Variants in DACH1 observed in about 807,000 individuals in gnomAD.
DACH1 encodes the protein dachshund family transcription factor 1, also known as dachshund homolog 1.
Under a neutral mutation model 54.2 loss-of-function variants are expected in DACH1, and 12 were observed. The ratio of observed to expected loss-of-function variants is 0.22; its 90% CI spans 0.14 to 0.36. The LOEUF (loss-of-function observed/expected upper bound fraction) is 0.36. DACH1 is among the 10% of genes least tolerant of loss of function. DACH1 has a pLI of 1.00. For synonymous variants in DACH1, 386 were observed against 366.2 expected (o/e 1.05, Z -0.62); for missense variants, 805 against 929.8 (o/e 0.87, Z 1.75).
At chr13:71,536,717 T>C (rs373557830) in intron 6 of DACH1, among the ~76,000 whole-genome samples, 60 of 152,190 alleles carry the variant, frequency 3.9e-4, no homozygotes, top group African/African-American at 1.3e-3. Flanking sequence ...TGAAGGTGGT[T>C]GACAAGGATA....
chr13:71,559,023 T>C (rs1385942718), intron 5 of DACH1, among the ~76,000 whole-genome samples: 1 of 152,088 alleles, frequency 6.6e-6, no homozygotes, highest in Non-Finnish European at 1.5e-5. Flanking sequence ...ATTCTGGGAA[T>C]AAGCAATATA....
chr13:71,648,643 G>A (rs1252147327), intron 2 of DACH1, among the ~76,000 whole-genome samples: 2 of 152,140 alleles, frequency 1.3e-5, no homozygotes, highest in Admixed American at 6.6e-5. Context: ...CCTCTCAGTC[G>A]TTAGATAGAT....
chr13:71,832,591 A>T (rs1156920888), intron 1 of DACH1, among the ~76,000 whole-genome samples: 2 of 151,984 alleles, frequency 1.3e-5, no homozygotes, highest in Admixed American at 6.6e-5. Flanking sequence ...AGAAAATTAT[A>T]CTTAAAAATC....
intron 3 of DACH1, among the ~76,000 whole-genome samples, chr13:71,618,679 G>A (rs1470316692): frequency 6.6e-6 from 1 of 151,688 alleles, no homozygotes; most frequent in Non-Finnish European, 1.5e-5. Context: ...GGGAAGGCAC[G>A]AGGTAAAAAT....
At chr13:71,766,544 T>C (rs1594195747) in intron 1 of DACH1, among the ~76,000 whole-genome samples, 1 of 152,336 alleles carries the variant, frequency 6.6e-6, no homozygotes, top group Admixed American at 6.5e-5. Flanking sequence ...TATAATTGTC[T>C]GTAGGGAATG....
chr13:71,498,222 A>T (rs1163978497), intron 6 of DACH1, among the ~76,000 whole-genome samples: 1 of 152,184 alleles, frequency 6.6e-6, no homozygotes, highest in Non-Finnish European at 1.5e-5. Context: ...CTCTTTTGAG[A>T]TGCTTATGAA....
chr13:71,535,419 G>A (rs923490352), intron 6 of DACH1, among the ~76,000 whole-genome samples: 2 of 151,640 alleles, frequency 1.3e-5, no homozygotes, highest in African/African-American at 4.8e-5. Context: ...TGTTAACCAA[G>A]AACTCAAAAA....
At chr13:71,863,191 C>T (rs1874469845) in intron 1 of DACH1, among the ~76,000 whole-genome samples, 1 of 151,954 alleles carries the variant, frequency 6.6e-6, no homozygotes, top group Non-Finnish European at 1.5e-5. Context: ...GACAATAATG[C>T]TTATAATAAT....
chr13:71,509,830 T>C (rs777128182), intron 6 of DACH1, among the ~76,000 whole-genome samples: 14 of 152,118 alleles, frequency 9.2e-5, no homozygotes, highest in Non-Finnish European at 2.1e-4. Flanking sequence ...CTGGATACCA[T>C]CGTTCCTTCT....
chr13:71,794,066 TA>T (rs58581587), intron 1 of DACH1, among the ~76,000 whole-genome samples: 32 of 150,786 alleles, frequency 2.1e-4, no homozygotes, highest in Non-Finnish European at 3.4e-4. Flanking sequence ...ATTTTTTCCT[TA>T]AAAAAAAAGG....
In DACH1 at chr13:71,866,308, A is replaced by G. The variant is rs764868401; in HGVS notation, c.462T>C (p.Ser154=). The G allele has an allele frequency of 9.3e-5, 144 of 1,553,890 alleles. No homozygotes were observed. In the East Asian group the frequency reaches 9.7e-4, roughly 10 times the overall value. The part of the protein sequence containing the change: ...SSSSSSSSSS[S]SSSSSSSSSC... ...TGCTGCTGCTACTGCTGCTGCTGCT[A>G]CTACTGCTGCTGCTGCTGCTGCTGC... The change falls in exon 1 of 11, where the codon AGT becomes AGC. Residue 154 remains serine, a synonymous_variant. Transcript: ENST00000613252.
Position 71,528,708 on chromosome 13 carries a change from C to T in DACH1, c.1570+28316G>A, listed in dbSNP as rs535856378. Among the ~76,000 whole-genome samples, 5 of 152,058 alleles carry T rather than the reference C, an allele frequency of 3.3e-5. No homozygotes were observed. In the South Asian group the frequency reaches 1.0e-3, roughly 32 times the overall value. Reference sequence around the variant, plus strand: ...AAAAACAGATTTTAACATCAGTTTCCCTTCATGATAGTTGTGTCCACCTAG... The same window carrying T: ...AAAAACAGATTTTAACATCAGTTTCTCTTCATGATAGTTGTGTCCACCTAG... On this transcript the variant is annotated intron_variant, in intron 6 of 10. Transcript: ENST00000613252.
At chr13:71,848,640 G>T (rs577314831) in intron 1 of DACH1, among the ~76,000 whole-genome samples, 270 of 151,960 alleles carry the variant, frequency 1.8e-3, no homozygotes, top group Middle Eastern at 6.8e-3. Flanking sequence ...GACCTCCAAG[G>T]CTCAAGTAAT....
intron 1 of DACH1, among the ~76,000 whole-genome samples, chr13:71,697,697 A>C (rs1355168887): frequency 4.6e-5 from 7 of 152,188 alleles, no homozygotes; most frequent in Admixed American, 6.5e-5. Context: ...AGGGTTCTAG[A>C]TTATCAAAAA....
At chr13:71,482,935 G>A (rs1878173794) in intron 7 of DACH1, among the ~76,000 whole-genome samples, 1 of 151,722 alleles carries the variant, frequency 6.6e-6, no homozygotes, top group African/African-American at 2.4e-5. Flanking sequence ...CAAGTAGCTG[G>A]GATTACAGGC....
chr13:71,548,795 A>C (rs1883622842), intron 6 of DACH1, among the ~76,000 whole-genome samples: 1 of 152,118 alleles, frequency 6.6e-6, no homozygotes, highest in African/African-American at 2.4e-5. Context: ...GTGTGCTTGA[A>C]GTCCCAGCTA....
chr13:71,810,963 C>G (rs1321756550), intron 1 of DACH1, among the ~76,000 whole-genome samples: 1 of 152,090 alleles, frequency 6.6e-6, no homozygotes, highest in Admixed American at 6.5e-5. Flanking sequence ...ACAGGAAAAT[C>G]AGCATAGAGA....
At chr13:71,534,047 T>G (rs1566321964) in intron 6 of DACH1, among the ~76,000 whole-genome samples, 2 of 151,976 alleles carry the variant, frequency 1.3e-5, no homozygotes, top group African/African-American at 4.8e-5. Flanking sequence ...CTTTACAAAA[T>G]GAAATTTTGA....
intron 1 of DACH1, among the ~76,000 whole-genome samples, chr13:71,742,289 C>T (rs574145955): frequency 1.3e-5 from 2 of 152,180 alleles, no homozygotes; most frequent in African/African-American, 4.8e-5. Context: ...AATACATAGC[C>T]CCACAGATTA....
Sources: allele counts gnomAD v4.1 joint callset (sites outside exome capture counted in the v4.1 genomes callset), GRCh38; gene constraint gnomAD v4.1.1; transcripts MANE v1.5; gene names NCBI Gene and HGNC (gene_info 2026-07-23, HGNC 2026-07-21).